DCC: variants seen among roughly 807,000 people sequenced by gnomAD.
DCC encodes DCC netrin 1 receptor.
Under a neutral mutation model 172.5 loss-of-function variants are expected in DCC, and 58 were observed. That is an observed-to-expected ratio of 0.34 (90% CI 0.27 to 0.42). DCC has a LOEUF of 0.42. Ranked by LOEUF, DCC falls within the 10% of genes least tolerant of loss-of-function variation. The pLI is 1.00. For missense variants in DCC, 1,740 were observed against 1,791.0 expected (o/e 0.97, Z 0.51); for synonymous variants, 709 against 644.5 (o/e 1.10, Z -1.52).
intron 1 of DCC, among the ~76,000 whole-genome samples, chr18:52,678,552 C>T (rs544931431): frequency 1.3e-5 from 2 of 152,150 alleles, no homozygotes; most frequent in East Asian, 1.9e-4. Flanking sequence ...AAATTCTTTC[C>T]GCTCGACATG....
At chr18:52,367,262 C>A (rs1383538161) in intron 1 of DCC, among the ~76,000 whole-genome samples, 1 of 152,220 alleles carries the variant, frequency 6.6e-6, no homozygotes, top group Non-Finnish European at 1.5e-5. Flanking sequence ...CCGCACGCAG[C>A]CCCGGTTCCC....
chr18:52,916,089 A>G (rs1187246816), intron 3 of DCC, among the ~76,000 whole-genome samples: 2 of 152,130 alleles, frequency 1.3e-5, no homozygotes, highest in South Asian at 4.1e-4. Context: ...TAAAGTACAC[A>G]TCTTTTTAGT....
chr18:53,211,672 C>T (rs938309355), intron 11 of DCC, among the ~76,000 whole-genome samples: 1 of 151,812 alleles, frequency 6.6e-6, no homozygotes, highest in Non-Finnish European at 1.5e-5. Context: ...TGCAGTGAGC[C>T]GAGATCGTGC....
At chr18:52,404,880 T>C (rs1274708082) in intron 1 of DCC, among the ~76,000 whole-genome samples, 2 of 147,684 alleles carry the variant, frequency 1.4e-5, no homozygotes, top group African/African-American at 5.0e-5. Context: ...ATCTCATTGT[T>C]CAATTCCCAC....
At chr18:52,403,060 T>G (rs1444616752) in intron 1 of DCC, among the ~76,000 whole-genome samples, 7 of 152,144 alleles carry the variant, frequency 4.6e-5, no homozygotes, top group African/African-American at 1.7e-4. Context: ...AGGATTTGGC[T>G]AAGAAAACAG....
chr18:52,674,140 T>G (rs1441428283), intron 1 of DCC, among the ~76,000 whole-genome samples: 1 of 152,146 alleles, frequency 6.6e-6, no homozygotes. Context: ...GTTAATCAGG[T>G]TCTCCAAGGA....
At chr18:53,115,398 G>T (rs970390382) in intron 7 of DCC, among the ~76,000 whole-genome samples, 5 of 151,590 alleles carry the variant, frequency 3.3e-5, no homozygotes, top group African/African-American at 4.8e-5. Context: ...TATTAAAGTT[G>T]GGGTGTGTGT....
chr18:52,552,200 T>C (rs990639615), intron 1 of DCC, among the ~76,000 whole-genome samples: 15 of 151,926 alleles, frequency 9.9e-5, no homozygotes, highest in African/African-American at 3.6e-4. Context: ...GGCAGGTAGA[T>C]TCTACTTTTA....
chr18:53,352,697 A>C (rs558132005), intron 15 of DCC, among the ~76,000 whole-genome samples: 25 of 152,256 alleles, frequency 1.6e-4, no homozygotes, highest in Admixed American at 1.0e-3. Context: ...ACTTTTAATC[A>C]AAGTGTTTAG....
At chr18:53,041,228 A>G (rs1007044613) in intron 5 of DCC, among the ~76,000 whole-genome samples, 9 of 152,132 alleles carry the variant, frequency 5.9e-5, no homozygotes, top group African/African-American at 2.2e-4. Flanking sequence ...AGTTTTCTGC[A>G]TATGGCTAGC....
intron 22 of DCC, among the ~76,000 whole-genome samples, chr18:53,446,124 A>C (rs111422175): frequency 0.036 from 4,198 of 115,280 alleles, 210 homozygotes; most frequent in Middle Eastern, 0.067. Flanking sequence ...ACAAAAAAAA[A>C]CACTTAAAAA....
chr18:52,684,801 C>A (rs1216661585), intron 1 of DCC, among the ~76,000 whole-genome samples: 1 of 152,086 alleles, frequency 6.6e-6, no homozygotes, highest in Non-Finnish European at 1.5e-5. Context: ...GTACAGGTGG[C>A]TAATCCGCTT....
At chr18:53,521,725 T>C (rs1289663897) in intron 27 of DCC, among the ~76,000 whole-genome samples, 1 of 152,146 alleles carries the variant, frequency 6.6e-6, no homozygotes, top group East Asian at 1.9e-4. Context: ...ATGTGTTTGG[T>C]TACATATTAA....
At chr18:53,517,694 C>G (rs926704942) in intron 27 of DCC, among the ~76,000 whole-genome samples, 1 of 152,016 alleles carries the variant, frequency 6.6e-6, no homozygotes, top group East Asian at 1.9e-4. Flanking sequence ...TCAGCACGTC[C>G]CCAGTGGTCA....
chr18:53,339,701 T>C lies in DCC; in HGVS notation c.2165-12T>C. On this transcript the variant is annotated splice_polypyrimidine_tract_variant and intron_variant, in intron 14 of 28. Transcript: ENST00000442544. ...ATGAGACATGCTGATGATGCCTCTT[T>C]TTGAATGCTAGAATCTCAAGTTCCT... The C allele has an allele frequency of 6.2e-7, 1 of 1,612,386 alleles. No individual in the cohort carries two copies. The highest frequency in any genetic ancestry group is 8.5e-7 in the Non-Finnish European group (1 of 1,178,436).
At chr18:52,946,627 A>G (rs926144917) in intron 5 of DCC, among the ~76,000 whole-genome samples, 1 of 152,162 alleles carries the variant, frequency 6.6e-6, no homozygotes, top group Non-Finnish European at 1.5e-5. Flanking sequence ...TTCCATGGTG[A>G]TAGCAGAAAT....
At chr18:53,352,480 G>C (rs2057823158) in intron 15 of DCC, among the ~76,000 whole-genome samples, 1 of 151,914 alleles carries the variant, frequency 6.6e-6, no homozygotes. Flanking sequence ...TGATACTATT[G>C]TTTACTCTGA....
Position 52,752,290 on chromosome 18 carries a change from C to A in DCC, c.328C>A (p.Pro110Thr), listed in dbSNP as rs1003873682. 1 of 1,614,106 alleles carries A rather than the reference C, an allele frequency of 6.2e-7. No homozygotes were observed. The change falls in exon 2 of 29, where the codon CCA becomes ACA. Residue 110 changes from proline to threonine, a missense_variant. Pro to Thr is a conservative substitution (Grantham distance 38). Around this residue, in one of 2 missense-constraint regions of DCC, gnomAD observed 1,732 missense variants for 1,767.4 expected, o/e 0.98. Transcript: ENST00000442544. Reference sequence around the variant, plus strand: ...CATACTTCATTCCAGACACCACAAGCCAGATGAGGGACTTTACCAATGTGA... The same window carrying A: ...CATACTTCATTCCAGACACCACAAGACAGATGAGGGACTTTACCAATGTGA... ...QNILHSRHHK[P>T]DEGLYQCEAS...
At chr18:53,390,980 G>T (rs1229005129) in intron 16 of DCC, among the ~76,000 whole-genome samples, 1 of 152,122 alleles carries the variant, frequency 6.6e-6, no homozygotes, top group Admixed American at 6.6e-5. Flanking sequence ...GACAAACCAG[G>T]TGCTGTCTGA....
Sources: allele counts gnomAD v4.1 joint callset (sites outside exome capture counted in the v4.1 genomes callset), GRCh38; gene constraint gnomAD v4.1.1; regional missense constraint gnomAD v4.1.1; transcripts MANE v1.5; gene names NCBI Gene and HGNC (gene_info 2026-07-23, HGNC 2026-07-21).